Variants in SLC2A13 observed in about 807,000 individuals in gnomAD.
SLC2A13 encodes solute carrier family 2 member 13.
In SLC2A13, 32 loss-of-function variants were observed where a neutral mutation model predicts 64.4. The ratio of observed to expected loss-of-function variants is 0.50; its 90% CI spans 0.37 to 0.67. SLC2A13 has a LOEUF of 0.67. Ranked by LOEUF, SLC2A13 falls within the 30% of genes least tolerant of loss-of-function variation. SLC2A13 has a pLI of 0.00. For missense variants in SLC2A13, 743 were observed against 829.2 expected (o/e 0.90, Z 1.28); for synonymous variants, 338 against 327.1 (o/e 1.03, Z -0.36).
intron 3 of SLC2A13, among the ~76,000 whole-genome samples, chr12:39,997,175 T>C (rs991260374): frequency 1.3e-5 from 2 of 152,068 alleles, no homozygotes; most frequent in Admixed American, 1.3e-4. Flanking sequence ...ATTATACCAG[T>C]ATAAAAATAA....
intron 3 of SLC2A13, among the ~76,000 whole-genome samples, chr12:39,994,740 A>G (rs1420560828): frequency 1.3e-5 from 2 of 152,348 alleles, no homozygotes; most frequent in East Asian, 3.9e-4. Flanking sequence ...TGACTCTGAG[A>G]AAGTACCTTA....
intron 6 of SLC2A13, among the ~76,000 whole-genome samples, chr12:39,850,642 T>C (rs1378220754): frequency 6.6e-6 from 1 of 152,224 alleles, no homozygotes; most frequent in African/African-American, 2.4e-5. Flanking sequence ...TTTATTGATA[T>C]TTACTTATGT....
chr12:39,949,334 C>T (rs920545250), intron 4 of SLC2A13, among the ~76,000 whole-genome samples: 2 of 152,148 alleles, frequency 1.3e-5, no homozygotes, highest in East Asian at 3.8e-4. Context: ...TTTTATTCTT[C>T]CTGTTTTCCA....
Position 39,764,773 on chromosome 12 carries a change from G to A in SLC2A13, c.1531C>T (p.Leu511=), listed in dbSNP as rs138801535. The A allele has an allele frequency of 6.2e-7, 1 of 1,612,768 alleles. No individual in the cohort carries two copies. Among genetic ancestry groups the A allele is most frequent in the African/African-American group, 1.3e-5 (1 of 74,810 alleles). The change falls in exon 8 of 10, where the codon CTG becomes TTG. Residue 511 remains leucine (L), a synonymous_variant. Transcript: ENST00000280871. ...CPTPYSWTAL[L]GLILYLVFFA... ...AAGACAAGATATAAAATAAGGCCCA[G>A]AAGTGCAGTCCAGGAGTATGGAGTA...
At chr12:39,877,999 A>G (rs1030686506) in intron 4 of SLC2A13, among the ~76,000 whole-genome samples, 1 of 152,214 alleles carries the variant, frequency 6.6e-6, no homozygotes, top group East Asian at 1.9e-4. Context: ...CCACTCTCCT[A>G]CTGCTTGCTC....
At chr12:40,017,313 G>A (rs561394798) in intron 3 of SLC2A13, among the ~76,000 whole-genome samples, 1 of 152,170 alleles carries the variant, frequency 6.6e-6, no homozygotes, top group African/African-American at 2.4e-5. Flanking sequence ...TATCACAAAG[G>A]TTTCCAGGGA....
At chr12:39,859,119 C>T (rs1592212986) in intron 6 of SLC2A13, among the ~76,000 whole-genome samples, 1 of 151,992 alleles carries the variant, frequency 6.6e-6, no homozygotes, top group South Asian at 2.1e-4. Flanking sequence ...CCAGTGTCAC[C>T]ACCATCTACA....
At chr12:39,848,074 C>A (rs1244145719) in intron 6 of SLC2A13, among the ~76,000 whole-genome samples, 5 of 151,984 alleles carry the variant, frequency 3.3e-5, no homozygotes, top group African/African-American at 9.7e-5. Flanking sequence ...CTCTGAAAAC[C>A]CTGGAAGACA....
Position 40,048,216 on chromosome 12 carries a change from A to G in SLC2A13, c.557-6T>C. 1 of 1,585,858 alleles carries G rather than the reference A, an allele frequency of 6.3e-7. No homozygotes were observed. Among genetic ancestry groups the G allele is most frequent in the African/African-American group, 1.4e-5 (1 of 73,476 alleles). On this transcript the variant is annotated splice_region_variant and splice_polypyrimidine_tract_variant and intron_variant, in intron 1 of 9. Coordinates refer to ENST00000280871, the MANE Select transcript of SLC2A13 (RefSeq NM_052885.4). The stretch of plus-strand genomic sequence containing the variant: ...CACTGTCATAGAAGCAATGCCTATA[A>G]AAACAATGAAAAGTAAATGTGAGAC...
intron 4 of SLC2A13, among the ~76,000 whole-genome samples, chr12:39,898,427 C>G (rs1405408351): frequency 6.6e-6 from 1 of 152,060 alleles, no homozygotes; most frequent in East Asian, 1.9e-4. Context: ...AGTAAAATAA[C>G]CAGTGTTTGT....
At chr12:40,008,868 T>C (rs958912133) in intron 3 of SLC2A13, among the ~76,000 whole-genome samples, 5 of 152,124 alleles carry the variant, frequency 3.3e-5, no homozygotes, top group Admixed American at 2.0e-4. Context: ...CAAGAAAACA[T>C]ATACAAGGAT....
chr12:40,041,049 G>T (rs1948077851), intron 2 of SLC2A13, among the ~76,000 whole-genome samples: 1 of 152,056 alleles, frequency 6.6e-6, no homozygotes, highest in African/African-American at 2.4e-5. Flanking sequence ...TGCCTCCCGG[G>T]TTCAAGCAAT....
chr12:40,014,383 C>T (rs1418049696), intron 3 of SLC2A13, among the ~76,000 whole-genome samples: 1 of 138,462 alleles, frequency 7.2e-6, no homozygotes, highest in Non-Finnish European at 1.7e-5. Context: ...GATTGGTACA[C>T]TGAGACCCCA....
At chr12:39,951,778 T>C (rs572166051) in intron 3 of SLC2A13, among the ~76,000 whole-genome samples, 2 of 152,296 alleles carry the variant, frequency 1.3e-5, no homozygotes, top group South Asian at 4.1e-4. Context: ...CTGGCAAAAT[T>C]GCTTTAATCA....
At chr12:39,868,316 G>A (rs1263009198) in intron 5 of SLC2A13, among the ~76,000 whole-genome samples, 1 of 152,166 alleles carries the variant, frequency 6.6e-6, no homozygotes, top group Non-Finnish European at 1.5e-5. Context: ...AGTGAAAAGT[G>A]CTGAATAAAT....
intron 7 of SLC2A13, among the ~76,000 whole-genome samples, chr12:39,777,425 G>A (rs892164721): frequency 2.6e-5 from 4 of 152,216 alleles, no homozygotes; most frequent in African/African-American, 9.7e-5. Flanking sequence ...GTGCTGGGAA[G>A]GGAAAAGCAT....
At chr12:39,985,132 CA>C (rs1410717961) in intron 3 of SLC2A13, among the ~76,000 whole-genome samples, 1 of 151,954 alleles carries the variant, frequency 6.6e-6, no homozygotes, top group Admixed American at 6.6e-5. Flanking sequence ...TGGAAAATTA[CA>C]AAAAATGAAA....
rs1485206576 is a variant in SLC2A13 at position 39,927,611 on chromosome 12, T to A, written c.1034+23646A>T. Among the ~76,000 whole-genome samples, 3 of 152,232 alleles carry A rather than the reference T, an allele frequency of 2.0e-5. No individual in the cohort carries two copies. The South Asian group carries it at 6.2e-4, about 32-fold the overall frequency. On this transcript the variant is annotated intron_variant, in intron 4 of 9. Transcript: ENST00000280871. The stretch of plus-strand genomic sequence containing the variant: ...CAATAACATATCAAACGAGAAAAAA[T>A]ATTTTATTTGCTACTGTTACTGTCA...
chr12:40,040,615 C>A (rs1010275577), intron 2 of SLC2A13, among the ~76,000 whole-genome samples: 9 of 152,168 alleles, frequency 5.9e-5, no homozygotes, highest in African/African-American at 2.2e-4. Context: ...TGGTCTCGAA[C>A]TCCTGACCTC....
Sources: gnomAD v4.1 joint callset for allele counts (sites outside exome capture counted in the v4.1 genomes callset) on GRCh38, gnomAD v4.1.1 for gene constraint, MANE v1.5 for transcripts, NCBI Gene and HGNC (gene_info 2026-07-23, HGNC 2026-07-21) for gene names.